The following KCNMA1 variants were observed in gnomAD, a reference collection of about 807,000 sequenced individuals.
KCNMA1 encodes potassium calcium-activated channel subfamily M alpha 1, also known as Calcium-activated potassium channel subunit alpha-1.
KCNMA1 carries 29 observed loss-of-function variants against 140.0 expected under a neutral mutation model. The ratio of observed to expected loss-of-function variants is 0.21; its 90% CI spans 0.15 to 0.28. The LOEUF is 0.28. Among genes scored for constraint, KCNMA1 ranks in the 10% least tolerant of loss-of-function variants. KCNMA1 has a pLI of 1.00. For synonymous variants in KCNMA1, 612 were observed against 611.9 expected, an observed-to-expected ratio of 1.00 and a Z score of 0.00; for missense variants, 880 against 1,602.2, an observed-to-expected ratio of 0.55 and a Z score of 7.70.
chr10:77,178,275 G>A (rs962198712), intron 5 of KCNMA1, among the ~76,000 whole-genome samples: 1 of 152,194 alleles, frequency 6.6e-6, no homozygotes, highest in Admixed American at 6.5e-5. Flanking sequence ...GATACAGGGT[G>A]GCCCGGCATG....
chr10:77,593,811 T>A (rs1281684869), intron 1 of KCNMA1, among the ~76,000 whole-genome samples: 1 of 152,176 alleles, frequency 6.6e-6, no homozygotes, highest in Non-Finnish European at 1.5e-5. Flanking sequence ...ATTTTGTCTC[T>A]CTAGTTTTTG....
At chr10:77,249,749 G>A (rs1479460856) in intron 3 of KCNMA1, 1 of 152,178 alleles carries the variant, frequency 6.6e-6, no homozygotes, top group African/African-American at 2.4e-5. Context: ...ATAGGATCCA[G>A]AATCATTAAC....
At chr10:77,043,979 T>C (rs560383662) in intron 14 of KCNMA1, among the ~76,000 whole-genome samples, 11 of 152,288 alleles carry the variant, frequency 7.2e-5, no homozygotes, top group African/African-American at 2.6e-4. Context: ...ATGATTAAGA[T>C]AGTAAATTTT....
intron 2 of KCNMA1, among the ~76,000 whole-genome samples, chr10:77,255,202 G>T (rs1347784922): frequency 1.3e-5 from 2 of 152,160 alleles, no homozygotes; most frequent in African/African-American, 4.8e-5. Flanking sequence ...TTTGATAAAT[G>T]TCATTGGAAC....
chr10:77,067,605 A>C (rs185318521), intron 14 of KCNMA1, among the ~76,000 whole-genome samples: 26 of 152,316 alleles, frequency 1.7e-4, no homozygotes, highest in Admixed American at 3.9e-4. Flanking sequence ...CCAGCCCTTC[A>C]GCTCCACTTG....
intron 26 of KCNMA1, chr10:76,889,793 GTC>G: frequency 5.2e-6 from 3 of 580,290 alleles, no homozygotes; most frequent in Non-Finnish European, 9.3e-6. Flanking sequence ...TTCCTCTGGT[GTC>G]TCTCCAGTTT....
intron 2 of KCNMA1, among the ~76,000 whole-genome samples, chr10:77,390,596 G>C: frequency 6.6e-6 from 1 of 152,182 alleles, no homozygotes. Flanking sequence ...CACCCCTGAG[G>C]CATAACACCA....
chr10:77,353,659 C>T (rs976857527), intron 2 of KCNMA1, among the ~76,000 whole-genome samples: 7 of 151,914 alleles, frequency 4.6e-5, no homozygotes, highest in African/African-American at 1.7e-4. Flanking sequence ...ATCCTTACAA[C>T]AACCTATAAT....
intron 2 of KCNMA1, among the ~76,000 whole-genome samples, chr10:77,368,160 G>T (rs1040270742): frequency 1.3e-5 from 2 of 152,162 alleles, no homozygotes; most frequent in African/African-American, 4.8e-5. Flanking sequence ...ATTCCCATTA[G>T]TAATGTCTGA....
At position 77,001,439 on chromosome 10, in the gene KCNMA1, G is replaced by A; in HGVS notation, c.2234C>T (p.Ser745Phe). 1 of 1,551,766 alleles carries A rather than the reference G, an allele frequency of 6.4e-7. No individual in the cohort carries two copies. The highest frequency in any genetic ancestry group is 1.2e-5 in the South Asian group (1 of 84,054). ...GAAACTGGTGGAGCAATCATTAACAGAGACAGAAGAAAGTGGGAAGGCTCT... is the reference window on the plus strand; with the variant it reads ...GAAACTGGTGGAGCAATCATTAACAAAGACAGAAGAAAGTGGGAAGGCTCT... ...LERAFPLSSV[S>F]VNDCSTSFRA... Residue 745 changes from serine to phenylalanine, a missense_variant, in exon 19 of 28, where the codon TCT becomes TTT. By Grantham distance (155) the Ser-to-Phe change is radical (BLOSUM62 -2). This residue lies in a region of KCNMA1 where 196 missense variants were observed against 233.0 expected (regional missense o/e 0.84). Transcript: ENST00000286628.
At chr10:76,977,369 G>C (rs2077946946) in intron 19 of KCNMA1, among the ~76,000 whole-genome samples, 1 of 152,018 alleles carries the variant, frequency 6.6e-6, no homozygotes, top group South Asian at 2.1e-4. Flanking sequence ...ATAATATTTG[G>C]TAACCCACTA....
intron 5 of KCNMA1, among the ~76,000 whole-genome samples, chr10:77,139,820 C>G (rs1235781761): frequency 6.6e-6 from 1 of 151,976 alleles, no homozygotes; most frequent in Non-Finnish European, 1.5e-5. Flanking sequence ...TAAAAAAGTA[C>G]CACCCAAGAC....
chr10:77,568,192 C>T (rs2069140850), intron 1 of KCNMA1, among the ~76,000 whole-genome samples: 2 of 152,258 alleles, frequency 1.3e-5, no homozygotes, highest in African/African-American at 4.8e-5. Context: ...TGAAACTATT[C>T]CAATCAATAG....
chr10:77,417,651 G>A (rs12782599), intron 1 of KCNMA1, among the ~76,000 whole-genome samples: 6,124 of 152,296 alleles, frequency 0.04, 170 homozygotes, highest in Non-Finnish European at 0.062. Context: ...GATTTGTCCC[G>A]TGCCAGGAAA....
At chr10:77,242,728 C>A (rs1037901794) in intron 3 of KCNMA1, among the ~76,000 whole-genome samples, 2 of 151,996 alleles carry the variant, frequency 1.3e-5, no homozygotes, top group African/African-American at 4.8e-5. Context: ...TAGCAAAATG[C>A]CTTATACACA....
intron 2 of KCNMA1, among the ~76,000 whole-genome samples, chr10:77,388,890 C>G (rs1168605398): frequency 6.6e-6 from 1 of 152,226 alleles, no homozygotes; most frequent in Non-Finnish European, 1.5e-5. Flanking sequence ...CCCCAACACA[C>G]AACTCCCTGT....
chr10:77,372,544 A>C (rs2094811873), intron 2 of KCNMA1, among the ~76,000 whole-genome samples: 1 of 152,048 alleles, frequency 6.6e-6, no homozygotes, highest in African/African-American at 2.4e-5. Flanking sequence ...TAGGCGCCGC[A>C]GTCCTTTGCT....
intron 14 of KCNMA1, among the ~76,000 whole-genome samples, chr10:77,067,534 T>C (rs2096004113): frequency 6.6e-6 from 1 of 152,248 alleles, no homozygotes; most frequent in Non-Finnish European, 1.5e-5. Flanking sequence ...ACCATTGCTC[T>C]GTTTCTGTAG....
intron 23 of KCNMA1, among the ~76,000 whole-genome samples, chr10:76,926,755 G>C (rs367829960): frequency 6.6e-6 from 1 of 152,132 alleles, no homozygotes; most frequent in Non-Finnish European, 1.5e-5. Flanking sequence ...TAAGGAAGTG[G>C]AACACAGGAG....
Sources: allele counts gnomAD v4.1 joint callset (sites outside exome capture counted in the v4.1 genomes callset), GRCh38; gene constraint gnomAD v4.1.1; regional missense constraint gnomAD v4.1.1; transcripts MANE v1.5; gene names NCBI Gene and HGNC (gene_info 2026-07-23, HGNC 2026-07-21).